Variants in ZBBX observed in about 807,000 individuals in gnomAD.
ZBBX encodes zinc finger B-box domain-containing protein 1.
Under a neutral mutation model 108.5 loss-of-function variants are expected in ZBBX, and 101 were observed. The ratio of observed to expected loss-of-function variants is 0.93; its 90% CI spans 0.79 to 1.10. The LOEUF (loss-of-function observed/expected upper bound fraction) is 1.10, where lower values mean the gene tolerates loss of function less well. Among genes scored for constraint, ZBBX ranks in the 50% least tolerant of loss-of-function variants. The pLI, the probability that ZBBX is intolerant of heterozygous loss-of-function variation, is 0.00. For synonymous variants in ZBBX, 356 were observed against 323.4 expected, an observed-to-expected ratio of 1.10 and a Z score of -1.08; for missense variants, 1,009 against 941.4, an observed-to-expected ratio of 1.07 and a Z score of -0.94.
chr3:167,214,861 A>G, the ZBBX span, among the ~76,000 whole-genome samples: 1 of 152,224 alleles, frequency 6.6e-6, no homozygotes, highest in Non-Finnish European at 1.5e-5. Context: ...ATTACGTGGA[A>G]AGTAAAACAA....
the ZBBX span, among the ~76,000 whole-genome samples, chr3:167,231,947 A>G: frequency 6.6e-6 from 1 of 151,958 alleles, no homozygotes; most frequent in African/African-American, 2.4e-5. Context: ...CTAATCAGAA[A>G]GTGAATCATT....
At chr3:167,205,884 G>A in the ZBBX span, among the ~76,000 whole-genome samples, 346 of 152,108 alleles carry the variant, frequency 2.3e-3, 1 homozygote, top group Non-Finnish European at 3.4e-3. Context: ...GGCAGTTAGA[G>A]TTAGAAAAAA....
At chr3:167,253,446 T>C (rs1453038002) in intron 20 of ZBBX, among the ~76,000 whole-genome samples, 2 of 151,980 alleles carry the variant, frequency 1.3e-5, no homozygotes, top group East Asian at 1.9e-4. Flanking sequence ...ATCTGAAGGT[T>C]TCCCCACAGA....
At chr3:167,388,108 A>G (rs1473712858) in intron 1 of ZBBX, among the ~76,000 whole-genome samples, 1 of 152,024 alleles carries the variant, frequency 6.6e-6, no homozygotes, top group Non-Finnish European at 1.5e-5. Context: ...ACACCTTTCT[A>G]GGATGAGATC....
intron 8 of ZBBX, among the ~76,000 whole-genome samples, chr3:167,357,228 G>T (rs549606023): frequency 6.6e-6 from 1 of 152,218 alleles, no homozygotes; most frequent in East Asian, 1.9e-4. Context: ...AACCAGCAAA[G>T]AACAGAGAAG....
intron 8 of ZBBX, among the ~76,000 whole-genome samples, chr3:167,351,601 C>T (rs1023655255): frequency 2.0e-5 from 3 of 152,112 alleles, no homozygotes; most frequent in African/African-American, 7.2e-5. Flanking sequence ...GATCTAGGAG[C>T]CCCATAGGCC....
At chr3:167,380,878 A>T (rs569864810), upstream of ZBBX, among the ~76,000 whole-genome samples, 57 of 151,330 alleles carry the variant, frequency 3.8e-4, no homozygotes, top group Non-Finnish European at 6.9e-4. Flanking sequence ...ACACACACAC[A>T]CACACACACA....
intron 19 of ZBBX, among the ~76,000 whole-genome samples, chr3:167,285,135 T>C (rs1729478609): frequency 6.6e-6 from 1 of 152,128 alleles, no homozygotes; most frequent in African/African-American, 2.4e-5. Flanking sequence ...GAATATATGC[T>C]CTATGATTAC....
intron 19 of ZBBX, among the ~76,000 whole-genome samples, chr3:167,285,490 G>T (rs1211031203): frequency 6.6e-6 from 1 of 151,886 alleles, no homozygotes; most frequent in Admixed American, 6.6e-5. Flanking sequence ...TATTTTCTAA[G>T]AATTCTTAAA....
intron 8 of ZBBX, among the ~76,000 whole-genome samples, chr3:167,352,834 A>G (rs1266682141): frequency 2.0e-5 from 3 of 152,174 alleles, no homozygotes; most frequent in Non-Finnish European, 4.4e-5. Flanking sequence ...ATGCAAACCA[A>G]TAAATGTGAT....
chr3:167,402,190 T>C (rs1327815866), intron 1 of ZBBX, among the ~76,000 whole-genome samples: 1 of 152,130 alleles, frequency 6.6e-6, no homozygotes, highest in East Asian at 1.9e-4. Context: ...AACAATGAAA[T>C]TGAAGTAAGA....
intron 10 of ZBBX, 145 bp from the exon 11 acceptor site, chr3:167,328,261 AT>A (rs1737770424): frequency 1.7e-5 from 14 of 827,560 alleles, no homozygotes; most frequent in Non-Finnish European, 2.4e-5. Context: ...AACTTAGAAT[AT>A]TTTTAAGTTG....
At chr3:167,244,808 C>A (rs116746960) in intron 20 of ZBBX, among the ~76,000 whole-genome samples, 2,965 of 152,030 alleles carry the variant, frequency 0.02, 106 homozygotes, top group African/African-American at 0.069. Context: ...CTTTTCTATC[C>A]CTGGAGTAAG....
chr3:167,204,229 A>T, the ZBBX span, among the ~76,000 whole-genome samples: 8 of 115,154 alleles, frequency 6.9e-5, no homozygotes, highest in East Asian at 6.7e-4. Context: ...TTCATTTTAA[A>T]TTTCTTTTCT....
At chr3:167,272,832 C>T (rs193176750) in intron 20 of ZBBX, among the ~76,000 whole-genome samples, 6 of 152,132 alleles carry the variant, frequency 3.9e-5, no homozygotes, top group African/African-American at 1.4e-4. Context: ...GGAATGATGT[C>T]CTGTGGAAAA....
chr3:167,295,161 A>C (rs964573250), intron 18 of ZBBX, among the ~76,000 whole-genome samples: 1 of 152,196 alleles, frequency 6.6e-6, no homozygotes, highest in African/African-American at 2.4e-5. Flanking sequence ...AGAACTAGAA[A>C]TACCATTTGA....
chr3:167,309,799 G>T (rs1734272786), intron 16 of ZBBX, among the ~76,000 whole-genome samples: 1 of 152,224 alleles, frequency 6.6e-6, no homozygotes, highest in South Asian at 2.1e-4. Flanking sequence ...CATTGTCTTG[G>T]CAATCAATAG....
At chr3:167,244,300 CT>C (rs1479459126) in intron 20 of ZBBX, among the ~76,000 whole-genome samples, 1 of 152,118 alleles carries the variant, frequency 6.6e-6, no homozygotes, top group Non-Finnish European at 1.5e-5. Flanking sequence ...CCCAAGGCAC[CT>C]TTACATGTCC....
At chr3:167,251,481 T>G (rs1418101612) in intron 20 of ZBBX, among the ~76,000 whole-genome samples, 2 of 152,126 alleles carry the variant, frequency 1.3e-5, no homozygotes, top group Non-Finnish European at 1.5e-5. Context: ...GTATGCTCCC[T>G]AGAGGTTTGA....
Sources: gnomAD v4.1 joint callset for allele counts (sites outside exome capture counted in the v4.1 genomes callset) on GRCh38, gnomAD v4.1.1 for gene constraint, MANE v1.5 for transcripts, NCBI Gene and HGNC (gene_info 2026-07-23, HGNC 2026-07-21) for gene names.